Variants in CTNNA3 observed in about 807,000 individuals in gnomAD.
CTNNA3 encodes the protein catenin alpha-3.
Under a neutral mutation model 95.7 loss-of-function variants are expected in CTNNA3, and 76 were observed. The ratio of observed to expected loss-of-function variants is 0.79; its 90% CI spans 0.66 to 0.96. The LOEUF is 0.96. Ranked by LOEUF, CTNNA3 falls within the 40% of genes least tolerant of loss-of-function variation. CTNNA3 has a pLI of 0.00. For synonymous variants in CTNNA3, 431 were observed against 374.4 expected, an observed-to-expected ratio of 1.15 and a Z score of -1.74; for missense variants, 1,191 against 1,089.8, an observed-to-expected ratio of 1.09 and a Z score of -1.31.
intron 5 of CTNNA3, among the ~76,000 whole-genome samples, chr10:67,431,201 A>T (rs899995021): frequency 1.3e-5 from 2 of 152,022 alleles, no homozygotes; most frequent in African/African-American, 2.4e-5. Context: ...CAACTGAAGG[A>T]ACAAGTACAT....
intron 5 of CTNNA3, among the ~76,000 whole-genome samples, chr10:67,358,647 C>T (rs1014882543): frequency 2.6e-4 from 39 of 152,194 alleles, no homozygotes; most frequent in Middle Eastern, 3.4e-3. Context: ...ACTTGACCTA[C>T]TACATCAACA....
At chr10:66,312,098 T>C (rs1050015920) in intron 12 of CTNNA3, among the ~76,000 whole-genome samples, 1 of 152,188 alleles carries the variant, frequency 6.6e-6, no homozygotes, top group African/African-American at 2.4e-5. Context: ...ATTTTAGTAA[T>C]TGTTATAATT....
chr10:67,075,170 G>GCACACACACACACACACA (rs57260841), intron 7 of CTNNA3, among the ~76,000 whole-genome samples: 72 of 149,746 alleles, frequency 4.8e-4, no homozygotes, highest in African/African-American at 7.6e-4. Context: ...AAGGATTTCT[G>GCACACACACACACACACA]CACACACACA....
intron 12 of CTNNA3, among the ~76,000 whole-genome samples, chr10:66,347,851 T>A (rs879632111): frequency 3.1e-4 from 47 of 152,068 alleles, no homozygotes; most frequent in Non-Finnish European, 1.6e-4. Context: ...ACCCATCATG[T>A]ATACTGTCAC....
intron 5 of CTNNA3, among the ~76,000 whole-genome samples, chr10:67,373,834 G>A (rs1011874287): frequency 6.6e-6 from 1 of 152,114 alleles, no homozygotes. Flanking sequence ...GTATAGATGA[G>A]GGCAGAGAAG....
intron 7 of CTNNA3, among the ~76,000 whole-genome samples, chr10:67,044,082 C>T (rs905772821): frequency 6.6e-6 from 1 of 151,852 alleles, no homozygotes; most frequent in African/African-American, 2.4e-5. Context: ...AGTTTTTCAG[C>T]CCTTCCCTCC....
chr10:66,748,612 T>C (rs1306553097), intron 9 of CTNNA3, among the ~76,000 whole-genome samples: 1 of 152,104 alleles, frequency 6.6e-6, no homozygotes, highest in Non-Finnish European at 1.5e-5. Context: ...ATTTCTTTTA[T>C]CCCACCAGAT....
Position 67,685,339 on chromosome 10 carries a change from A to G in CTNNA3, c.-6+10661T>C, listed in dbSNP as rs1840710144. On this transcript the variant is annotated intron_variant, in intron 1 of 17. Transcript: ENST00000433211. ...CTTTAAGGTTTAGCTGAGTGCAAAC[A>G]GCTTGCACATTTAAGCAGACCAATT... Among the ~76,000 whole-genome samples, 2 of 152,256 alleles carry G rather than the reference A, an allele frequency of 1.3e-5. 1 individual carries two copies. The highest frequency in any genetic ancestry group is 4.8e-5 in the African/African-American group (2 of 41,468).
chr10:66,371,121 T>C lies in CTNNA3; in HGVS notation c.1732+8031A>G, dbSNP rs180701966. Among the ~76,000 whole-genome samples, 113 of 152,252 alleles carry C rather than the reference T, an allele frequency of 7.4e-4. 2 individuals are homozygous for C. Among genetic ancestry groups the C allele is most frequent in the African/African-American group, 2.5e-3 (103 of 41,558 alleles). On this transcript the variant is annotated intron_variant, in intron 12 of 17. Coordinates refer to ENST00000433211, the MANE Select transcript of CTNNA3 (RefSeq NM_013266.4). ...TAGTGAAGTCAAAGTACCCATTCCGTTGGATTTAAAACAAAATATAAAGTT... is the reference window on the plus strand; with the variant it reads ...TAGTGAAGTCAAAGTACCCATTCCGCTGGATTTAAAACAAAATATAAAGTT...
rs181201832 is a variant in CTNNA3, at chr10:66,240,482, G to A, written c.1884+39988C>T. 9.6e-4 allele frequency among the ~76,000 whole-genome samples: 146 copies of A among 152,158 alleles called. 1 individual carries two copies. The highest frequency in any genetic ancestry group is 3.4e-3 in the African/African-American group (142 of 41,550). On this transcript the variant is annotated intron_variant, in intron 13 of 17. Transcript: ENST00000433211. ...TTATAATACCTACAGATCCCTGTAA[G>A]AAACAAATAGCCTACTGGGTTACCA... is the stretch of plus-strand genomic sequence containing the variant.
intron 7 of CTNNA3, among the ~76,000 whole-genome samples, chr10:66,998,731 G>A (rs1039626892): frequency 2.0e-5 from 3 of 152,126 alleles, no homozygotes; most frequent in Admixed American, 1.3e-4. Flanking sequence ...AGATTAGAAA[G>A]AGCAATTGTC....
chr10:67,410,838 T>C (rs1845338380), intron 5 of CTNNA3, among the ~76,000 whole-genome samples: 1 of 151,952 alleles, frequency 6.6e-6, no homozygotes, highest in Non-Finnish European at 1.5e-5. Flanking sequence ...AGAAAATGTG[T>C]TATATATACA....
chr10:67,698,888 C>T (rs1841010788), upstream of CTNNA3, among the ~76,000 whole-genome samples: 1 of 152,020 alleles, frequency 6.6e-6, no homozygotes, highest in Non-Finnish European at 1.5e-5. Context: ...TCCCAACCAT[C>T]CTTATTATTA....
chr10:66,125,826 G>C (rs2082803034), intron 13 of CTNNA3, among the ~76,000 whole-genome samples: 1 of 152,180 alleles, frequency 6.6e-6, no homozygotes, highest in South Asian at 2.1e-4. Context: ...AAAACAATGA[G>C]AGACTGCCAA....
At chr10:66,902,965 C>A (rs887171812) in intron 7 of CTNNA3, among the ~76,000 whole-genome samples, 1 of 152,154 alleles carries the variant, frequency 6.6e-6, no homozygotes, top group Non-Finnish European at 1.5e-5. Flanking sequence ...GGAGCTGATA[C>A]CATTCCTTCT....
intron 9 of CTNNA3, among the ~76,000 whole-genome samples, chr10:66,651,800 G>GGCCCTTGATCGCTGCACACAGCAGC: frequency 6.6e-6 from 1 of 151,466 alleles, no homozygotes; most frequent in Middle Eastern, 3.4e-3. Context: ...AACCCGCATT[G>GGCCCTTGATCGCTGCACACAGCAGC]GCCGGTTCCC....
chr10:67,018,312 C>T (rs1852787161), intron 7 of CTNNA3, among the ~76,000 whole-genome samples: 1 of 152,138 alleles, frequency 6.6e-6, no homozygotes, highest in African/African-American at 2.4e-5. Flanking sequence ...CGCTTTCACC[C>T]ATTTCTGATT....
chr10:66,800,170 G>T (rs1255010519), intron 7 of CTNNA3, among the ~76,000 whole-genome samples: 3 of 151,332 alleles, frequency 2.0e-5, no homozygotes, highest in Non-Finnish European at 4.4e-5. Flanking sequence ...AGAAGAATTA[G>T]ATTGAATATA....
At chr10:67,337,041 A>G (rs1467362472) in intron 5 of CTNNA3, among the ~76,000 whole-genome samples, 1 of 152,196 alleles carries the variant, frequency 6.6e-6, no homozygotes, top group Non-Finnish European at 1.5e-5. Flanking sequence ...CAAGGAGTAA[A>G]TTCAACTTTC....
Sources: allele counts gnomAD v4.1 joint callset (sites outside exome capture counted in the v4.1 genomes callset), GRCh38; gene constraint gnomAD v4.1.1; transcripts MANE v1.5; gene names NCBI Gene and HGNC (gene_info 2026-07-23, HGNC 2026-07-21).